The following FBXL17 variants were observed in gnomAD, a reference collection of about 807,000 sequenced individuals.
The protein encoded by FBXL17 is F-box and leucine rich repeat protein 17.
Under a neutral mutation model 66.2 loss-of-function variants are expected in FBXL17, and 22 were observed. The ratio of observed to expected loss-of-function variants is 0.33; its 90% CI spans 0.24 to 0.47. The LOEUF (loss-of-function observed/expected upper bound fraction) is 0.47. FBXL17 is among the 20% of genes least tolerant of loss of function. FBXL17 has a pLI of 1.00. For missense variants in FBXL17, 878 were observed against 948.2 expected (o/e 0.93, Z 0.97); for synonymous variants, 474 against 400.5 (o/e 1.18, Z -2.19).
intron 4 of FBXL17, among the ~76,000 whole-genome samples, chr5:108,275,379 T>A (rs1757442503): frequency 6.6e-6 from 1 of 152,088 alleles, no homozygotes; most frequent in African/African-American, 2.4e-5. Context: ...TAAAGCAATT[T>A]AAAAAAATGC....
intron 4 of FBXL17, among the ~76,000 whole-genome samples, chr5:108,278,910 G>A (rs1757592458): frequency 6.6e-6 from 1 of 152,196 alleles, no homozygotes; most frequent in African/African-American, 2.4e-5. Flanking sequence ...TGACAAGACA[G>A]GGTAAGAGAT....
chr5:108,287,803 GACAA>G (rs1311536900), intron 4 of FBXL17, among the ~76,000 whole-genome samples: 3 of 152,064 alleles, frequency 2.0e-5, no homozygotes, highest in Admixed American at 6.6e-5. Context: ...CTACCCTACA[GACAA>G]ACAGACATGT....
chr5:108,148,470 G>A lies in FBXL17; in HGVS notation c.1745+37647C>T, dbSNP rs1751645320. Among the ~76,000 whole-genome samples the A allele has an allele frequency of 2.0e-5, 3 of 152,140 alleles. No homozygotes were observed. The South Asian group carries it at 6.2e-4, about 31-fold the overall frequency. On this transcript the variant is annotated intron_variant, in intron 6 of 8. Coordinates refer to ENST00000542267, the MANE Select transcript of FBXL17 (RefSeq NM_001163315.3). Reference sequence around the variant, plus strand: ...GGAGCCCCAAACCATCTATGGTCTGGAGCTGCCTGGTTCATGAATCACTGT... The same window carrying A: ...GGAGCCCCAAACCATCTATGGTCTGAAGCTGCCTGGTTCATGAATCACTGT...
intron 7 of FBXL17, among the ~76,000 whole-genome samples, chr5:107,914,237 G>GA (rs1750052099): frequency 2.0e-5 from 3 of 152,072 alleles, no homozygotes; most frequent in African/African-American, 7.2e-5. Flanking sequence ...AGTCATGGGG[G>GA]AAAACTCTCC....
At chr5:107,992,602 T>G (rs1753294516) in intron 7 of FBXL17, among the ~76,000 whole-genome samples, 1 of 152,044 alleles carries the variant, frequency 6.6e-6, no homozygotes, top group East Asian at 1.9e-4. Context: ...ATTATTTAAG[T>G]AAGTTCTATG....
chr5:108,009,288 T>G (rs796461019), intron 7 of FBXL17, among the ~76,000 whole-genome samples: 1,724 of 28,628 alleles, frequency 0.06, 352 homozygotes, highest in Non-Finnish European at 0.078. Flanking sequence ...TATATATATA[T>G]ATATATATAT....
chr5:107,885,862 A>C (rs1173883271), intron 7 of FBXL17, among the ~76,000 whole-genome samples: 1 of 152,108 alleles, frequency 6.6e-6, no homozygotes, highest in African/African-American at 2.4e-5. Context: ...GGAAGAAGAG[A>C]GAGAAGAAAA....
At chr5:108,236,907 A>G (rs527521482) in intron 4 of FBXL17, among the ~76,000 whole-genome samples, 196 of 152,316 alleles carry the variant, frequency 1.3e-3, no homozygotes, top group African/African-American at 4.2e-3. Context: ...AAGGGAAATT[A>G]TTTCCATCTG....
At chr5:108,357,980 T>G (rs374848334) in intron 3 of FBXL17, among the ~76,000 whole-genome samples, 1 of 152,278 alleles carries the variant, frequency 6.6e-6, no homozygotes, top group South Asian at 2.1e-4. Flanking sequence ...TGGATTCTAT[T>G]TCTTTTGGGG....
intron 7 of FBXL17, among the ~76,000 whole-genome samples, chr5:107,958,550 C>T (rs552569014): frequency 1.3e-5 from 2 of 152,274 alleles, no homozygotes; most frequent in South Asian, 2.1e-4. Flanking sequence ...TTAAAAAGCA[C>T]TGAAACATAG....
At chr5:108,103,807 T>C (rs1210530961) in intron 6 of FBXL17, among the ~76,000 whole-genome samples, 1 of 152,220 alleles carries the variant, frequency 6.6e-6, no homozygotes, top group East Asian at 1.9e-4. Context: ...GTTTTTGTAT[T>C]GACTACATGT....
chr5:108,083,607 C>G (rs1415069134), intron 6 of FBXL17, among the ~76,000 whole-genome samples: 2 of 150,974 alleles, frequency 1.3e-5, no homozygotes, highest in African/African-American at 4.9e-5. Flanking sequence ...AGGGTTTTAC[C>G]ATGTTGCTCA....
chr5:108,212,524 A>G (rs1754421275), intron 5 of FBXL17, among the ~76,000 whole-genome samples: 1 of 151,952 alleles, frequency 6.6e-6, no homozygotes, highest in Non-Finnish European at 1.5e-5. Context: ...TTGAGTCGAC[A>G]TGCTCTTCCT....
Position 108,141,073 on chromosome 5 carries a change from T to C in FBXL17, c.1745+45044A>G, listed in dbSNP as rs11955420. Among the ~76,000 whole-genome samples the C allele has an allele frequency of 9.5e-3, 1,443 of 152,230 alleles. 23 individuals are homozygous for C. The highest frequency in any genetic ancestry group is 0.033 in the African/African-American group (1,375 of 41,526). On this transcript the variant is annotated intron_variant, in intron 6 of 8. Transcript: ENST00000542267. Reference sequence around the variant, plus strand: ...CCCCTATTCAGAGTTTCCTTCACGGTGGCCCCTGTCTACCTTGCCTGCTTC... The same window carrying C: ...CCCCTATTCAGAGTTTCCTTCACGGCGGCCCCTGTCTACCTTGCCTGCTTC...
At chr5:108,328,845 GATACTCT>G (rs1215629835) in intron 4 of FBXL17, among the ~76,000 whole-genome samples, 4 of 151,782 alleles carry the variant, frequency 2.6e-5, no homozygotes, top group African/African-American at 9.7e-5. Flanking sequence ...TGACTGAAGA[GATACTCT>G]AACTAATCAT....
At chr5:108,196,018 T>C (rs1025481063) in intron 5 of FBXL17, among the ~76,000 whole-genome samples, 3 of 152,122 alleles carry the variant, frequency 2.0e-5, no homozygotes, top group African/African-American at 7.2e-5. Context: ...AGCACATAAA[T>C]GACATTTACG....
At chr5:108,019,237 G>C (rs1489037941) in intron 7 of FBXL17, among the ~76,000 whole-genome samples, 5 of 152,084 alleles carry the variant, frequency 3.3e-5, no homozygotes, top group Non-Finnish European at 5.9e-5. Flanking sequence ...TATATGTGAA[G>C]GAACTTCCCT....
chr5:107,965,794 G>C (rs1175577714), intron 7 of FBXL17, among the ~76,000 whole-genome samples: 1 of 152,124 alleles, frequency 6.6e-6, no homozygotes, highest in African/African-American at 2.4e-5. Context: ...ACATAGTCTA[G>C]TGTACAGATA....
At chr5:108,055,501 C>G (rs1051189130) in intron 6 of FBXL17, among the ~76,000 whole-genome samples, 2 of 147,730 alleles carry the variant, frequency 1.4e-5, no homozygotes, top group African/African-American at 5.0e-5. Context: ...CCCAGCTACT[C>G]GAGAGGCTGA....
Sources: gnomAD v4.1 joint callset for allele counts (sites outside exome capture counted in the v4.1 genomes callset) on GRCh38, gnomAD v4.1.1 for gene constraint, MANE v1.5 for transcripts, NCBI Gene and HGNC (gene_info 2026-07-23, HGNC 2026-07-21) for gene names.